CCDC80: variants seen among roughly 807,000 people sequenced by gnomAD.
The protein encoded by CCDC80 is coiled-coil domain containing 80, also known as coiled-coil domain-containing protein 80.
In CCDC80, 49 loss-of-function variants were observed where a neutral mutation model predicts 78.7. The ratio of observed to expected loss-of-function variants is 0.62; its 90% CI spans 0.50 to 0.79. The LOEUF (loss-of-function observed/expected upper bound fraction) is 0.79. CCDC80 is among the 30% of genes least tolerant of loss of function. CCDC80 has a pLI of 0.00. For missense variants in CCDC80, 1,205 were observed against 1,198.6 expected, an observed-to-expected ratio of 1.01 and a Z score of -0.08; for synonymous variants, 488 against 447.0, an observed-to-expected ratio of 1.09 and a Z score of -1.16.
At chr3:112,621,313 G>T (rs1387452753) in intron 3 of CCDC80, among the ~76,000 whole-genome samples, 2 of 152,176 alleles carry the variant, frequency 1.3e-5, no homozygotes, top group Non-Finnish European at 2.9e-5. Flanking sequence ...ACACCAGCTT[G>T]CTGGAGGTTT....
intron 6 of CCDC80, among the ~76,000 whole-genome samples, chr3:112,607,984 G>A (rs1005401366): frequency 6.6e-6 from 1 of 152,210 alleles, no homozygotes; most frequent in Non-Finnish European, 1.5e-5. Context: ...TAAAGGATAT[G>A]TTTTTATCAC....
Position 112,597,470 on chromosome 3 carries a change from T to A in CCDC80, c.*7947A>T, listed in dbSNP as rs1935301472. 6.6e-6 allele frequency: 1 copy of A among 152,186 alleles called. No homozygotes were observed. Among genetic ancestry groups the A allele is most frequent in the South Asian group, 2.1e-4 (1 of 4,834 alleles). 9.4% of individuals were successfully genotyped at this position (152,186 alleles called of 1,614,324 possible). A position where few individuals can be genotyped will look rare whatever the true frequency, so the allele number is the denominator to read the frequency against. ...GCTCAAAGTGCAAGTCTAGGTATAT[T>A]CTCTAGTTTCAATCTTGGTGAAATT... On this transcript the variant is annotated 3_prime_UTR_variant, in exon 8 of 8. Transcript: ENST00000206423.
chr3:112,612,085 TCTCTA>T (rs1300706313), intron 5 of CCDC80, among the ~76,000 whole-genome samples: 1 of 148,238 alleles, frequency 6.7e-6, no homozygotes, highest in Non-Finnish European at 1.5e-5. Context: ...AAAACTAAAA[TCTCTA>T]CTGAGGACAG....
Position 112,603,316 on chromosome 3 carries a change from A to T in CCDC80, c.*2101T>A, listed in dbSNP as rs1345640683. On this transcript the variant is annotated 3_prime_UTR_variant, in exon 8 of 8. Transcript: ENST00000206423. ...CCGAGGCCAAAGTCAGTAGTTCGAG[A>T]CCACCCTGACTAACATGGTGAAACC... is the stretch of plus-strand genomic sequence containing the variant. 6.6e-6 allele frequency: 1 copy of T among 151,856 alleles called. No individual in the cohort carries two copies. The highest frequency in any genetic ancestry group is 1.9e-4 in the East Asian group (1 of 5,180). The allele number at this position is 151,856 out of a possible 1,614,324, so 9.4% of individuals were successfully genotyped here. A position where few individuals can be genotyped will look rare whatever the true frequency, so the allele number is the denominator to read the frequency against.
rs1935819646 is a variant in CCDC80, at chr3:112,619,474, C to T, written c.2036-370G>A. 2.0e-5 allele frequency among the ~76,000 whole-genome samples: 3 copies of T among 152,268 alleles called. No individual in the cohort carries two copies. The South Asian group carries it at 6.2e-4, about 32-fold the overall frequency. ...CACCGGGGAACTGGACCGACCCAGA[C>T]AATTTGTTAAGTTCTGTTTCCATTA... is the stretch of plus-strand genomic sequence containing the variant. On this transcript the variant is annotated intron_variant, in intron 3 of 7. Coordinates refer to ENST00000206423, the MANE Select transcript of CCDC80 (RefSeq NM_199511.3).
At position 112,610,014 on chromosome 3, in the gene CCDC80, G is replaced by T; in HGVS notation, c.2389C>A (p.Gln797Lys). 6.2e-7 allele frequency: 1 copy of T among 1,614,044 alleles called. No homozygotes were observed. Among genetic ancestry groups the T allele is most frequent in the Non-Finnish European group, 8.5e-7 (1 of 1,179,986 alleles). The change falls in exon 6 of 8, where the codon CAG (glutamine) becomes AAG (lysine). Residue 797 changes from glutamine (Q) to lysine (K), a missense_variant. By Grantham distance (53) the Gln-to-Lys change is moderately conservative (BLOSUM62 1). Transcript: ENST00000206423. ...GCCTGACCACTGAGGGCAGAGAGCT[G>T]CTGTGAATAGGCCCAGTCTTCATCG... ...PNDEDWAYSQ[Q>K]LSALSGQACN... is the part of the protein sequence containing the mutation.
intron 5 of CCDC80, among the ~76,000 whole-genome samples, chr3:112,610,870 C>T (rs1935608448): frequency 6.6e-6 from 1 of 151,444 alleles, no homozygotes; most frequent in Non-Finnish European, 1.5e-5. Flanking sequence ...TCACTCAATT[C>T]ACCAAAGTCT....
chr3:112,597,016 TGTCTG>T lies in CCDC80; in HGVS notation c.*8396_*8400del, dbSNP rs1332028757. ...TCATTCCCAACAGGGTCTTTATGTC[TGTCTG>T]GTCATGTTATCAGCCAGTCTTACTT... On this transcript the variant is annotated 3_prime_UTR_variant, in exon 8 of 8. Coordinates refer to ENST00000206423, the MANE Select transcript of CCDC80 (RefSeq NM_199511.3). 2.0e-5 allele frequency: 3 copies of T among 152,218 alleles called. No individual in the cohort carries two copies. The highest frequency in any genetic ancestry group is 7.2e-5 in the African/African-American group (3 of 41,456). 9.4% of individuals were successfully genotyped at this position (152,218 alleles called of 1,614,324 possible).
At position 112,639,646 on chromosome 3, in the gene CCDC80, C is replaced by T. The variant is rs757576216; in HGVS notation, c.260G>A (p.Arg87His). Residue 87 changes from arginine to histidine, a missense_variant, in exon 2 of 8, where the codon CGC becomes CAC. Transcript: ENST00000206423. The part of the protein sequence containing the change: ...RRSVPVLRLA[R>H]PTEPPARSDI... The stretch of plus-strand genomic sequence containing the variant: ...CGAGCGGGCTGGCGGCTCTGTTGGG[C>T]GAGCTAGTCTCAACACGGGCACACT... The T allele has an allele frequency of 6.2e-7, 1 of 1,613,988 alleles. No individual in the cohort carries two copies. The highest frequency in any genetic ancestry group is 8.5e-7 in the Non-Finnish European group (1 of 1,180,034).
chr3:112,623,297 G>T (rs1935904686), intron 3 of CCDC80, among the ~76,000 whole-genome samples: 2 of 152,190 alleles, frequency 1.3e-5, no homozygotes, highest in South Asian at 4.1e-4. Flanking sequence ...TTCAGCTTCA[G>T]TTATAACATA....
intron 5 of CCDC80, among the ~76,000 whole-genome samples, chr3:112,614,533 T>C (rs1418194677): frequency 6.6e-6 from 1 of 151,814 alleles, no homozygotes; most frequent in Non-Finnish European, 1.5e-5. Flanking sequence ...CAAAGAGCCA[T>C]TGTCCCGTGA....
rs1935361967 is a variant in CCDC80, at chr3:112,600,860, A to T, written c.*4557T>A. ...ACATGATTTGGGTCCTTTACTTAGA[A>T]ATTGTCATCACACAATTTCAGAAAG... On this transcript the variant is annotated 3_prime_UTR_variant, in exon 8 of 8. Transcript: ENST00000206423. 1 of 152,120 alleles carries T rather than the reference A, an allele frequency of 6.6e-6. No homozygotes were observed. Among genetic ancestry groups the T allele is most frequent in the Non-Finnish European group, 1.5e-5 (1 of 68,032 alleles). The allele number at this position is 152,120 out of a possible 1,614,324, so 9.4% of individuals were successfully genotyped here. A position where few individuals can be genotyped will look rare whatever the true frequency, so the allele number is the denominator to read the frequency against.
In CCDC80 at chr3:112,639,536, A is replaced by AG; in HGVS notation, c.369dup (p.Ser124LeufsTer55). ...AAACGCAACATTCTTGACCGAGCTG[A>AG]GGACCCCTCATCTCTGATCATCTCA... On this transcript the variant is annotated frameshift_variant, in exon 2 of 8. Transcript: ENST00000206423. LOFTEE classifies it high-confidence loss of function. The AG allele has an allele frequency of 1.9e-6, 3 of 1,614,162 alleles. No homozygotes were observed. The highest frequency in any genetic ancestry group is 2.5e-6 in the Non-Finnish European group (3 of 1,180,028).
intron 2 of CCDC80, among the ~76,000 whole-genome samples, chr3:112,634,387 G>A (rs1011373665): frequency 6.6e-6 from 1 of 152,150 alleles, no homozygotes; most frequent in African/African-American, 2.4e-5. Context: ...TAATTGACAA[G>A]TGACTAGATC....
rs111931253 is a variant in CCDC80, at chr3:112,616,499, T to A, written c.2321+211A>T. ...CCTATCCTGAGTCACCAAATCAACA[T>A]TGATGCTTGGAGCTGCAGCCAGCCA... On this transcript the variant is annotated intron_variant, in intron 5 of 7. Coordinates refer to ENST00000206423, the MANE Select transcript of CCDC80 (RefSeq NM_199511.3). 8.8e-3 allele frequency among the ~76,000 whole-genome samples: 1,296 copies of A among 147,658 alleles called. 15 individuals carry two copies. Among genetic ancestry groups the A allele is most frequent in the African/African-American group, 0.031 (1,234 of 39,794 alleles).
rs1473851481 is a variant in CCDC80 at position 112,597,946 on chromosome 3, C to T, written c.*7471G>A. The T allele has an allele frequency of 6.6e-6, 1 of 152,120 alleles. No individual in the cohort carries two copies. The highest frequency in any genetic ancestry group is 2.4e-5 in the African/African-American group (1 of 41,408). The allele number at this position is 152,120 out of a possible 1,614,324, so 9.4% of individuals were successfully genotyped here. ...TGTATTCCTGGTTCCTGGAAAAGTA[C>T]ATATAGAATAGTATAAATACAATAA... On this transcript the variant is annotated 3_prime_UTR_variant, in exon 8 of 8. Coordinates refer to ENST00000206423, the MANE Select transcript of CCDC80 (RefSeq NM_199511.3).
chr3:112,616,288 G>A (rs552472671), intron 5 of CCDC80, among the ~76,000 whole-genome samples: 1 of 152,034 alleles, frequency 6.6e-6, no homozygotes, highest in African/African-American at 2.4e-5. Context: ...CAAGCACAGT[G>A]TGCCAAATCC....
chr3:112,626,797 G>A (rs771087681), intron 3 of CCDC80, among the ~76,000 whole-genome samples: 3 of 152,074 alleles, frequency 2.0e-5, no homozygotes, highest in East Asian at 1.9e-4. Context: ...ATCAGCCTAC[G>A]TCGGCCTCCC....
Position 112,598,560 on chromosome 3 carries a change from A to G in CCDC80, c.*6857T>C, listed in dbSNP as rs763713054. On this transcript the variant is annotated 3_prime_UTR_variant, in exon 8 of 8. Coordinates refer to ENST00000206423, the MANE Select transcript of CCDC80 (RefSeq NM_199511.3). ...CACTTCTTCATCCGGCTCCCTTGGCATATGTATCAGCCCATGGATTGGGAG... is the reference window on the plus strand; with the variant it reads ...CACTTCTTCATCCGGCTCCCTTGGCGTATGTATCAGCCCATGGATTGGGAG... The G allele has an allele frequency of 3.3e-5, 5 of 152,328 alleles. No homozygotes were observed. Among genetic ancestry groups the G allele is most frequent in the Non-Finnish European group, 5.9e-5 (4 of 68,148 alleles). 9.4% of individuals were successfully genotyped at this position (152,328 alleles called of 1,614,324 possible).
Sources: gnomAD v4.1 joint callset for allele counts (sites outside exome capture counted in the v4.1 genomes callset) on GRCh38, gnomAD v4.1.1 for gene constraint, MANE v1.5 for transcripts, NCBI Gene and HGNC (gene_info 2026-07-23, HGNC 2026-07-21) for gene names.